Variants in NFKB1 observed in about 807,000 individuals in gnomAD.
The protein encoded by NFKB1 is nuclear factor kappa B subunit 1, also known as nuclear factor NF-kappa-B p105 subunit.
Under a neutral mutation model 105.1 loss-of-function variants are expected in NFKB1, and 9 were observed. The observed-to-expected ratio is 0.09, with a 90% CI of 0.05 to 0.15. NFKB1 has a LOEUF of 0.15. NFKB1 is among the 10% of genes least tolerant of loss of function. The pLI is 1.00. For synonymous variants in NFKB1, 440 were observed against 442.2 expected, an observed-to-expected ratio of 1.00 and a Z score of 0.06; for missense variants, 830 against 1,203.7, an observed-to-expected ratio of 0.69 and a Z score of 4.59.
chr4:102,556,469 C>T (rs956442230), intron 5 of NFKB1, among the ~76,000 whole-genome samples: 13 of 152,012 alleles, frequency 8.6e-5, no homozygotes, highest in Non-Finnish European at 1.8e-4. Flanking sequence ...AGTGCCTTAG[C>T]AAAAGCAGCC....
intron 6 of NFKB1, among the ~76,000 whole-genome samples, chr4:102,574,125 C>CTTTTTTTTTTTTTTT (rs56977004): frequency 1.1e-5 from 1 of 93,268 alleles, no homozygotes; most frequent in Non-Finnish European, 2.0e-5. Flanking sequence ...TCTTGGATTC[C>CTTTTTTTTTTTTTTT]TTTTTTTTTT....
At chr4:102,609,302 T>C (rs1728157532) in intron 19 of NFKB1, among the ~76,000 whole-genome samples, 1 of 151,918 alleles carries the variant, frequency 6.6e-6, no homozygotes. Flanking sequence ...CAAGTCCTAA[T>C]CTTAATGTCG....
At chr4:102,543,672 C>T (rs556113041) in intron 5 of NFKB1, among the ~76,000 whole-genome samples, 4 of 151,414 alleles carry the variant, frequency 2.6e-5, no homozygotes, top group African/African-American at 9.7e-5. Context: ...AAGTTTCTGT[C>T]GAGGTCGAAT....
Position 102,616,771 on chromosome 4 carries a change from T to C in NFKB1, c.*177T>C. On this transcript the variant is annotated 3_prime_UTR_variant, in exon 24 of 24. Transcript: ENST00000226574. ...TTCCTTTCTTGGTTCATAAATGAATTTTAGTTTGGTTCACTTACAGATAGT... is the reference window on the plus strand; with the variant it reads ...TTCCTTTCTTGGTTCATAAATGAATCTTAGTTTGGTTCACTTACAGATAGT... 1.6e-6 allele frequency: 1 copy of C among 631,102 alleles called. No homozygotes were observed. Among genetic ancestry groups the C allele is most frequent in the Non-Finnish European group, 2.6e-6 (1 of 378,920 alleles). The allele number at this position is 631,102 out of a possible 1,614,324, so 39.1% of individuals were successfully genotyped here. A position where few individuals can be genotyped will look rare whatever the true frequency, so the allele number is the denominator to read the frequency against.
At chr4:102,601,601 A>G (rs1437358993) in intron 16 of NFKB1, among the ~76,000 whole-genome samples, 1 of 152,208 alleles carries the variant, frequency 6.6e-6, no homozygotes, top group Admixed American at 6.5e-5. Context: ...ATACAAGTTG[A>G]GGAACTGTTT....
At chr4:102,502,114 C>T (rs1036424891) in intron 1 of NFKB1, 1 of 152,690 alleles carries the variant, frequency 6.5e-6, no homozygotes, top group Non-Finnish European at 1.5e-5. Flanking sequence ...CAACCCCAGC[C>T]CCACCTGGGG....
chr4:102,577,102 G>T, intron 7 of NFKB1, 63 bp downstream of exon 7: 1 of 1,512,294 alleles, frequency 6.6e-7, no homozygotes, highest in South Asian at 1.3e-5. Flanking sequence ...TCATCTGTAT[G>T]AATTATATGT....
intron 19 of NFKB1, among the ~76,000 whole-genome samples, chr4:102,610,294 T>C (rs1728273360): frequency 6.6e-6 from 1 of 152,238 alleles, no homozygotes; most frequent in Admixed American, 6.5e-5. Flanking sequence ...TTGAGAAATA[T>C]CCTGTAGAGT....
intron 5 of NFKB1, among the ~76,000 whole-genome samples, chr4:102,545,063 C>A (rs546503280): frequency 2.6e-4 from 40 of 152,228 alleles, no homozygotes; most frequent in African/African-American, 9.4e-4. Context: ...GGAGTCTTGA[C>A]CTCATAAAGT....
chr4:102,559,982 A>C (rs1421831276), intron 5 of NFKB1, among the ~76,000 whole-genome samples: 1 of 151,814 alleles, frequency 6.6e-6, no homozygotes, highest in Non-Finnish European at 1.5e-5. Flanking sequence ...AATATAAGAA[A>C]TGGCACTAGA....
chr4:102,568,350 T>C (rs1031413580), intron 6 of NFKB1, among the ~76,000 whole-genome samples: 1 of 152,208 alleles, frequency 6.6e-6, no homozygotes, highest in African/African-American at 2.4e-5. Flanking sequence ...TAAAGTGTGC[T>C]TTATATGAAC....
At chr4:102,539,024 G>T (rs889117283) in intron 5 of NFKB1, among the ~76,000 whole-genome samples, 1 of 151,948 alleles carries the variant, frequency 6.6e-6, no homozygotes, top group Non-Finnish European at 1.5e-5. Context: ...AGATCACAAG[G>T]TCAGGAGTTC....
At chr4:102,614,585 G>A (rs1728759795) in intron 23 of NFKB1, among the ~76,000 whole-genome samples, 1 of 152,034 alleles carries the variant, frequency 6.6e-6, no homozygotes, top group Admixed American at 6.6e-5. Context: ...TTGGCCTCCT[G>A]CAGTTGGGAT....
At chr4:102,565,509 A>G (rs1723790520) in intron 5 of NFKB1, among the ~76,000 whole-genome samples, 1 of 152,200 alleles carries the variant, frequency 6.6e-6, no homozygotes, top group South Asian at 2.1e-4. Flanking sequence ...CCCTGCTTCA[A>G]TAAAATATGA....
Position 102,609,890 on chromosome 4 carries a change from A to G in NFKB1, c.2228-685A>G, listed in dbSNP as rs532663380. ...AATGGCATCATTAGACATCAAGCTA[A>G]ACACTCATAAAAATCATCTAAGCCT... is the stretch of plus-strand genomic sequence containing the variant. On this transcript the variant is annotated intron_variant, in intron 19 of 23. Coordinates refer to ENST00000226574, the MANE Select transcript of NFKB1 (RefSeq NM_003998.4). Among the ~76,000 whole-genome samples, 3 of 152,316 alleles carry G rather than the reference A, an allele frequency of 2.0e-5. No individual in the cohort carries two copies. In the South Asian group the frequency reaches 6.2e-4, roughly 32 times the overall value.
chr4:102,554,912 T>C lies in NFKB1; in HGVS notation c.259-12075T>C, dbSNP rs532981200. ...TACCTGAGAGGTGAATTTATAAACA[T>C]TTAAGATGTTTTAGCATCTCTGCAG... On this transcript the variant is annotated intron_variant, in intron 5 of 23. Transcript: ENST00000226574. Among the ~76,000 whole-genome samples, 22 of 152,286 alleles carry C rather than the reference T, an allele frequency of 1.4e-4. 1 individual carries two copies. In the South Asian group the frequency reaches 4.6e-3, roughly 32 times the overall value.
At position 102,612,592 on chromosome 4, in the gene NFKB1, A is replaced by G. The variant is rs933952078; in HGVS notation, c.2578A>G (p.Met860Val). Residue 860 changes from methionine (M) to valine (V), a missense_variant, in exon 22 of 24, where the codon ATG (methionine) becomes GTG (valine). Coordinates refer to ENST00000226574, the MANE Select transcript of NFKB1 (RefSeq NM_003998.4). The stretch of plus-strand genomic sequence containing the variant: ...GAGTCCTGCTCCTTCCAAAACACTT[A>G]TGGACAACTATGAGGTAACACCTTA... ...RLSPAPSKTL[M>V]DNYEVSGGTV... is the part of the protein sequence containing the mutation. The G allele has an allele frequency of 1.9e-6, 3 of 1,613,670 alleles. No homozygotes were observed. Among genetic ancestry groups the G allele is most frequent in the Non-Finnish European group, 2.5e-6 (3 of 1,179,952 alleles).
intron 5 of NFKB1, among the ~76,000 whole-genome samples, chr4:102,550,044 G>T (rs965818175): frequency 1.3e-5 from 2 of 151,118 alleles, no homozygotes; most frequent in Admixed American, 6.6e-5. Context: ...ACTTTTCCTG[G>T]TTTTTTTAAA....
At chr4:102,591,757 C>T (rs1578803413) in intron 11 of NFKB1, among the ~76,000 whole-genome samples, 4 of 152,344 alleles carry the variant, frequency 2.6e-5, no homozygotes, top group Admixed American at 1.3e-4. Flanking sequence ...TGGCTACTAA[C>T]AGCCATTCTG....
Sources: gnomAD v4.1 joint callset for allele counts (sites outside exome capture counted in the v4.1 genomes callset) on GRCh38, gnomAD v4.1.1 for gene constraint, MANE v1.5 for transcripts, NCBI Gene and HGNC (gene_info 2026-07-23, HGNC 2026-07-21) for gene names.